Variants in CDKAL1 observed in about 807,000 individuals in gnomAD.
CDKAL1 encodes threonylcarbamoyladenosine tRNA methylthiotransferase.
In CDKAL1, 32 loss-of-function variants were observed where a neutral mutation model predicts 68.2. The observed-to-expected ratio is 0.47, with a 90% CI of 0.35 to 0.63. The LOEUF is 0.63. CDKAL1 is among the 30% of genes least tolerant of loss of function. The pLI, the probability that CDKAL1 is intolerant of heterozygous loss-of-function variation, is 0.00. For synonymous variants in CDKAL1, 234 were observed against 244.3 expected (o/e 0.96, Z 0.39); for missense variants, 606 against 696.7 (o/e 0.87, Z 1.47).
chr6:20,658,683 A>T (rs1330677008), intron 5 of CDKAL1, among the ~76,000 whole-genome samples: 1 of 152,238 alleles, frequency 6.6e-6, no homozygotes, highest in Non-Finnish European at 1.5e-5. Flanking sequence ...AGCTGACTTC[A>T]TAAGAATAGA....
intron 14 of CDKAL1, among the ~76,000 whole-genome samples, chr6:21,198,524 G>A (rs142966990): frequency 6.6e-6 from 1 of 152,096 alleles, no homozygotes; most frequent in Non-Finnish European, 1.5e-5. Flanking sequence ...TTTTTTAGTT[G>A]GTTGGTTGAT....
chr6:20,542,468 G>A (rs1453359857), intron 2 of CDKAL1, among the ~76,000 whole-genome samples: 1 of 152,162 alleles, frequency 6.6e-6, no homozygotes, highest in Non-Finnish European at 1.5e-5. Flanking sequence ...TATCTACCTA[G>A]TAAGAGTTGT....
chr6:21,017,507 G>A (rs1462540956), intron 11 of CDKAL1, among the ~76,000 whole-genome samples: 2 of 152,162 alleles, frequency 1.3e-5, no homozygotes, highest in Non-Finnish European at 2.9e-5. Context: ...TTTGGGGAAT[G>A]GGTGAAGAAG....
At chr6:20,661,258 C>A (rs1478441563) in intron 5 of CDKAL1, among the ~76,000 whole-genome samples, 7 of 152,068 alleles carry the variant, frequency 4.6e-5, no homozygotes, top group African/African-American at 1.7e-4. Flanking sequence ...TTTTATTCAT[C>A]TTATGTCACA....
intron 11 of CDKAL1, among the ~76,000 whole-genome samples, chr6:21,007,695 A>C (rs1287003372): frequency 6.6e-6 from 1 of 152,142 alleles, no homozygotes; most frequent in Non-Finnish European, 1.5e-5. Flanking sequence ...TAATAAAACA[A>C]TTATCTAATA....
chr6:20,829,091 A>G (rs1281469942), intron 8 of CDKAL1, among the ~76,000 whole-genome samples: 3 of 152,146 alleles, frequency 2.0e-5, no homozygotes, highest in African/African-American at 7.2e-5. Flanking sequence ...GTTGATTGAC[A>G]TTTGGTTTGC....
intron 4 of CDKAL1, among the ~76,000 whole-genome samples, chr6:20,648,146 G>A (rs542817318): frequency 4.9e-4 from 66 of 133,408 alleles, no homozygotes; most frequent in East Asian, 2.2e-4. Context: ...TTTTTTTTTA[G>A]ATGGAGTCTT....
intron 9 of CDKAL1, among the ~76,000 whole-genome samples, chr6:20,867,457 A>G (rs1759970187): frequency 6.6e-6 from 1 of 152,254 alleles, no homozygotes; most frequent in Non-Finnish European, 1.5e-5. Context: ...TTCAAAAAAC[A>G]CGATTTATGT....
chr6:21,026,114 G>A (rs987593796), intron 11 of CDKAL1, among the ~76,000 whole-genome samples: 5 of 151,992 alleles, frequency 3.3e-5, no homozygotes, highest in Admixed American at 6.6e-5. Flanking sequence ...AAGGAGTGTG[G>A]TTATTAGTTC....
At chr6:20,740,782 C>T (rs1340210341) in intron 6 of CDKAL1, among the ~76,000 whole-genome samples, 1 of 152,112 alleles carries the variant, frequency 6.6e-6, no homozygotes, top group African/African-American at 2.4e-5. Flanking sequence ...CAAACAGAAC[C>T]TGAATGTTTG....
chr6:20,866,972 G>T (rs1317149770), intron 9 of CDKAL1, among the ~76,000 whole-genome samples: 4 of 152,148 alleles, frequency 2.6e-5, no homozygotes, highest in Non-Finnish European at 4.4e-5. Context: ...AGCTGTATGT[G>T]ACATTTATTG....
intron 6 of CDKAL1, among the ~76,000 whole-genome samples, chr6:20,757,101 T>C (rs1774250241): frequency 6.6e-6 from 1 of 151,792 alleles, no homozygotes; most frequent in African/African-American, 2.4e-5. Context: ...CCTGGCTAAT[T>C]TTTGTATTTT....
At chr6:21,119,883 T>C (rs1319603470) in intron 13 of CDKAL1, among the ~76,000 whole-genome samples, 2 of 152,196 alleles carry the variant, frequency 1.3e-5, no homozygotes, top group Non-Finnish European at 2.9e-5. Context: ...TCTTACACTA[T>C]AGAGCTGGAA....
intron 12 of CDKAL1, among the ~76,000 whole-genome samples, chr6:21,104,335 T>C (rs572204328): frequency 1.3e-5 from 2 of 152,264 alleles, no homozygotes; most frequent in African/African-American, 2.4e-5. Flanking sequence ...ATTGAGCAAA[T>C]AGAAGGAGCC....
At chr6:20,797,707 T>G (rs1776165069) in intron 8 of CDKAL1, among the ~76,000 whole-genome samples, 1 of 152,164 alleles carries the variant, frequency 6.6e-6, no homozygotes, top group Non-Finnish European at 1.5e-5. Flanking sequence ...TGTAAAAAGC[T>G]TATGCCAAGT....
In CDKAL1 at chr6:20,603,937, C is replaced by T. The variant is rs572214225; in HGVS notation, c.287-45356C>T. ...GATTACAGGCGCTTGCCACCACGCC[C>T]GGCTAATTTTTGTATAGTTGCTAAT... On this transcript the variant is annotated intron_variant, in intron 4 of 15. Coordinates refer to ENST00000274695, the MANE Select transcript of CDKAL1 (RefSeq NM_017774.3). Among the ~76,000 whole-genome samples the T allele has an allele frequency of 9.4e-4, 142 of 151,692 alleles. 1 individual carries two copies. The highest frequency in any genetic ancestry group is 3.1e-3 in the African/African-American group (129 of 41,350).
rs1256988409 is a variant in CDKAL1 at position 20,753,953 on chromosome 6, C to CTGTGTGTGTG, written c.469-4639_469-4638insGTGTGTGTGT. On this transcript the variant is annotated intron_variant, in intron 6 of 15. Coordinates refer to ENST00000274695, the MANE Select transcript of CDKAL1 (RefSeq NM_017774.3). ...CATTTTCACCAACACTCGTTATTAT[C>CTGTGTGTGTG]TGTATGTGTGTGTGTGTGTGTGTGT... 7.7e-3 allele frequency among the ~76,000 whole-genome samples: 875 copies of CTGTGTGTGTG among 113,838 alleles called. 14 individuals are homozygous for CTGTGTGTGTG. The East Asian group carries it at 0.084, about 11-fold the overall frequency. 74.7% of individuals were successfully genotyped at this position (113,838 alleles called of 152,430 possible). A position where few individuals can be genotyped will look rare whatever the true frequency, so the allele number is the denominator to read the frequency against.
intron 5 of CDKAL1, among the ~76,000 whole-genome samples, chr6:20,703,009 G>A (rs1234398621): frequency 6.6e-6 from 1 of 152,228 alleles, no homozygotes; most frequent in Non-Finnish European, 1.5e-5. Context: ...GAAGAGCTGA[G>A]TTTCATTTGT....
chr6:20,936,529 C>T (rs1409900995), intron 9 of CDKAL1, among the ~76,000 whole-genome samples: 1 of 151,612 alleles, frequency 6.6e-6, no homozygotes, highest in East Asian at 1.9e-4. Flanking sequence ...GGATTACAGG[C>T]GTGAGCCACC....
Sources: allele counts gnomAD v4.1 joint callset (sites outside exome capture counted in the v4.1 genomes callset), GRCh38; gene constraint gnomAD v4.1.1; transcripts MANE v1.5; gene names NCBI Gene and HGNC (gene_info 2026-07-23, HGNC 2026-07-21).